The following IQCM variants were observed in gnomAD, a reference collection of about 807,000 sequenced individuals.
The protein encoded by IQCM is IQ domain-containing protein M.
IQCM carries 45 observed loss-of-function variants against 57.6 expected under a neutral mutation model. That is an observed-to-expected ratio of 0.78 (90% CI 0.62 to 1.00). The LOEUF (loss-of-function observed/expected upper bound fraction) is 1.00, where lower values mean the gene tolerates loss of function less well. IQCM is among the 50% of genes least tolerant of loss of function. The pLI is 0.00. For synonymous variants in IQCM, 148 were observed against 158.9 expected, an observed-to-expected ratio of 0.93 and a Z score of 0.51; for missense variants, 468 against 511.6, an observed-to-expected ratio of 0.91 and a Z score of 0.82.
Position 149,666,800 on chromosome 4 carries a change from A to C in IQCM, c.565+15318T>G, listed in dbSNP as rs189629692. On this transcript the variant is annotated intron_variant, in intron 7 of 13. Transcript: ENST00000636793. ...GGCATTTTCCCCTCACAGTGTAAAC[A>C]AAGCTGCCCAGAAATTCAGATTGGG... Among the ~76,000 whole-genome samples the C allele has an allele frequency of 2.6e-5, 4 of 152,196 alleles. No homozygotes were observed. In the South Asian group the frequency reaches 8.3e-4, roughly 32 times the overall value.
At chr4:149,423,776 G>A (rs1471367258) in intron 13 of IQCM, among the ~76,000 whole-genome samples, 2 of 151,870 alleles carry the variant, frequency 1.3e-5, no homozygotes, top group African/African-American at 4.8e-5. Flanking sequence ...CTATCATAGG[G>A]TATTGAATAC....
At chr4:149,738,339 T>A (rs747808881) in intron 3 of IQCM, among the ~76,000 whole-genome samples, 42 of 152,222 alleles carry the variant, frequency 2.8e-4, no homozygotes, top group Non-Finnish European at 4.4e-4. Flanking sequence ...TGCCCCTTGT[T>A]GTCATTTAAT....
chr4:149,693,655 G>A (rs1763105554), intron 5 of IQCM, among the ~76,000 whole-genome samples: 1 of 152,066 alleles, frequency 6.6e-6, no homozygotes. Flanking sequence ...TCCAAATTAT[G>A]GAATTTTAAA....
At chr4:149,656,714 C>T (rs1396401852) in intron 7 of IQCM, among the ~76,000 whole-genome samples, 1 of 152,048 alleles carries the variant, frequency 6.6e-6, no homozygotes, top group East Asian at 1.9e-4. Flanking sequence ...CGTGGTGGGG[C>T]AGGCAGGTGG....
intron 2 of IQCM, among the ~76,000 whole-genome samples, chr4:149,772,551 C>T (rs2149990848): frequency 6.6e-6 from 1 of 151,814 alleles, no homozygotes; most frequent in South Asian, 2.1e-4. Context: ...CAAAAAAATA[C>T]ATTGTCACAA....
chr4:149,623,582 A>G (rs1756535856), intron 7 of IQCM, among the ~76,000 whole-genome samples: 1 of 152,210 alleles, frequency 6.6e-6, no homozygotes, highest in African/African-American at 2.4e-5. Context: ...TTTATTCCAC[A>G]AAGTCAGTCG....
intron 8 of IQCM, among the ~76,000 whole-genome samples, chr4:149,593,940 A>T (rs1424836571): frequency 6.6e-6 from 1 of 152,090 alleles, no homozygotes. Context: ...TGTCTCTGCC[A>T]GGCTTTGGTA....
intron 2 of IQCM, among the ~76,000 whole-genome samples, chr4:149,804,083 C>T (rs1773861101): frequency 6.6e-6 from 1 of 151,854 alleles, no homozygotes; most frequent in Non-Finnish European, 1.5e-5. Context: ...TTGAGTATTT[C>T]CCTTTCCTCA....
At chr4:149,661,997 T>G (rs1004056354) in intron 7 of IQCM, among the ~76,000 whole-genome samples, 4 of 152,040 alleles carry the variant, frequency 2.6e-5, no homozygotes, top group African/African-American at 4.8e-5. Context: ...GTTTAGTTTT[T>G]CTTGGTGTTT....
intron 13 of IQCM, among the ~76,000 whole-genome samples, chr4:149,390,819 T>C (rs1731797541): frequency 6.6e-6 from 1 of 151,956 alleles, no homozygotes; most frequent in Non-Finnish European, 1.5e-5. Context: ...AACTTTTTAG[T>C]ATTTTGTTGA....
intron 5 of IQCM, among the ~76,000 whole-genome samples, chr4:149,709,874 A>C (rs924524987): frequency 6.6e-6 from 1 of 152,142 alleles, no homozygotes; most frequent in Non-Finnish European, 1.5e-5. Context: ...AGGAATGTTT[A>C]CTTCAGGGCA....
intron 7 of IQCM, among the ~76,000 whole-genome samples, chr4:149,656,357 T>C (rs1034406341): frequency 6.6e-6 from 1 of 152,046 alleles, no homozygotes; most frequent in Non-Finnish European, 1.5e-5. Flanking sequence ...TATAAATTAC[T>C]AAAATCACAC....
chr4:149,409,397 C>A (rs749564037), intron 13 of IQCM, among the ~76,000 whole-genome samples: 1 of 152,188 alleles, frequency 6.6e-6, no homozygotes, highest in Non-Finnish European at 1.5e-5. Flanking sequence ...GATGGCTGCA[C>A]GCTGAGTCAT....
At chr4:149,790,231 T>C (rs1390000078) in intron 2 of IQCM, 2 of 289,836 alleles carry the variant, frequency 6.9e-6, no homozygotes, top group Non-Finnish European at 1.4e-5. Context: ...ACAATAATGA[T>C]GCATCTGTGA....
intron 13 of IQCM, among the ~76,000 whole-genome samples, chr4:149,362,453 T>A (rs1324667074): frequency 6.6e-6 from 1 of 152,106 alleles, no homozygotes; most frequent in Non-Finnish European, 1.5e-5. Flanking sequence ...GAGGGACCCA[T>A]GGGGAGGTAA....
intron 12 of IQCM, among the ~76,000 whole-genome samples, chr4:149,473,421 T>G (rs1020770906): frequency 6.6e-6 from 1 of 152,170 alleles, no homozygotes; most frequent in African/African-American, 2.4e-5. Context: ...AAAACCACAA[T>G]GAGATACCAT....
At chr4:149,728,309 C>A (rs940027379) in intron 5 of IQCM, among the ~76,000 whole-genome samples, 2 of 152,160 alleles carry the variant, frequency 1.3e-5, no homozygotes, top group Non-Finnish European at 2.9e-5. Context: ...GTCTTGCAGA[C>A]ACACAGTCCA....
chr4:149,378,307 G>A (rs1730832465), intron 13 of IQCM, among the ~76,000 whole-genome samples: 1 of 152,154 alleles, frequency 6.6e-6, no homozygotes, highest in Non-Finnish European at 1.5e-5. Flanking sequence ...TGGGTAACAG[G>A]CAGGCAGAGG....
At chr4:149,574,161 A>T (rs185814313) in intron 9 of IQCM, among the ~76,000 whole-genome samples, 109 of 152,118 alleles carry the variant, frequency 7.2e-4, no homozygotes, top group Admixed American at 1.6e-3. Context: ...TGACTGTCAG[A>T]TACATGGAGA....
Sources: gnomAD v4.1 joint callset for allele counts (sites outside exome capture counted in the v4.1 genomes callset) on GRCh38, gnomAD v4.1.1 for gene constraint, MANE v1.5 for transcripts, NCBI Gene and HGNC (gene_info 2026-07-23, HGNC 2026-07-21) for gene names.